Variants in PHACTR3 observed in about 807,000 individuals in gnomAD.
PHACTR3 encodes protein phosphatase 1, regulatory subunit 123.
A neutral mutation model predicts 66.8 loss-of-function variants in PHACTR3; 16 were observed. The observed-to-expected ratio is 0.24, with a 90% CI of 0.16 to 0.36. The LOEUF (loss-of-function observed/expected upper bound fraction) is 0.36. PHACTR3 is among the 10% of genes least tolerant of loss of function. The pLI is 1.00. For synonymous variants in PHACTR3, 323 were observed against 292.1 expected (o/e 1.11, Z -1.08); for missense variants, 647 against 719.9 (o/e 0.90, Z 1.16).
intron 1 of PHACTR3, among the ~76,000 whole-genome samples, chr20:59,585,513 G>C (rs2032998217): frequency 6.6e-6 from 1 of 152,134 alleles, no homozygotes; most frequent in South Asian, 2.1e-4. Flanking sequence ...AACTGGGGGT[G>C]GTCCTGGGGA....
chr20:59,723,110 C>CTTTCTT, intron 1 of PHACTR3, among the ~76,000 whole-genome samples: 1 of 123,844 alleles, frequency 8.1e-6, no homozygotes, highest in Non-Finnish European at 1.7e-5. Context: ...TTCTTTCTTT[C>CTTTCTT]TTTCTTTCTT....
chr20:59,635,394 C>T (rs1288607996), intron 1 of PHACTR3, among the ~76,000 whole-genome samples: 3 of 151,138 alleles, frequency 2.0e-5, no homozygotes, highest in African/African-American at 4.9e-5. Context: ...CCACCACACT[C>T]GGCTAATTTT....
chr20:59,604,070 C>A (rs1271406263), upstream of PHACTR3: 1 of 153,464 alleles, frequency 6.5e-6, no homozygotes, highest in African/African-American at 2.4e-5. Flanking sequence ...CCCCCCGCCC[C>A]CCGGCAGGGA....
rs140524195 is a variant in PHACTR3, at chr20:59,723,060, CTCTTTCTTTCTTTCTTTCTTTCTT to C, written c.119-20010_119-19987del. On this transcript the variant is annotated intron_variant, in intron 1 of 12. Transcript: ENST00000371015. Reference sequence around the variant, plus strand: ...TATTTCTCTTTTTCTTTCTTTCTTTCTCTTTCTTTCTTTCTTTCTTTCTTTCTTTCTTTCTTTCTTTCTTTCTTT... The same window carrying C: ...TATTTCTCTTTTTCTTTCTTTCTTTCTCTTTCTTTCTTTCTTTCTTTCTTT... 2.9e-3 allele frequency among the ~76,000 whole-genome samples: 342 copies of C among 118,768 alleles called. 1 individual carries two copies. The highest frequency in any genetic ancestry group is 0.01 in the African/African-American group (313 of 30,568). The allele number at this position is 118,768 out of a possible 152,430, so 77.9% of individuals were successfully genotyped here. A position where few individuals can be genotyped will look rare whatever the true frequency, so the allele number is the denominator to read the frequency against.
chr20:59,674,868 T>G (rs1308070942), intron 1 of PHACTR3, among the ~76,000 whole-genome samples: 1 of 95,918 alleles, frequency 1.0e-5, no homozygotes, highest in Non-Finnish European at 2.0e-5. Context: ...TTGCCCCTTC[T>G]CCTGTCCCCC....
At chr20:59,713,070 C>T (rs189006358) in intron 1 of PHACTR3, among the ~76,000 whole-genome samples, 1 of 152,354 alleles carries the variant, frequency 6.6e-6, no homozygotes, top group East Asian at 1.9e-4. Context: ...CCTCATTTCT[C>T]ACAACACGGT....
intron 1 of PHACTR3, among the ~76,000 whole-genome samples, chr20:59,711,106 A>C (rs771518046): frequency 2.0e-5 from 3 of 152,138 alleles, no homozygotes; most frequent in Non-Finnish European, 4.4e-5. Context: ...TACATATCCC[A>C]ATTTTAAATA....
chr20:59,706,590 G>A (rs1438611249), intron 1 of PHACTR3, among the ~76,000 whole-genome samples: 1 of 152,238 alleles, frequency 6.6e-6, no homozygotes, highest in Non-Finnish European at 1.5e-5. Context: ...GATCACATTA[G>A]TGTTCATGGT....
At chr20:59,665,941 C>T (rs749924532) in intron 1 of PHACTR3, among the ~76,000 whole-genome samples, 3 of 152,082 alleles carry the variant, frequency 2.0e-5, no homozygotes, top group Non-Finnish European at 2.9e-5. Context: ...ATTGGGCAAC[C>T]CAGGAGATGG....
intron 1 of PHACTR3, among the ~76,000 whole-genome samples, chr20:59,734,235 G>A (rs528253441): frequency 6.6e-6 from 1 of 152,266 alleles, no homozygotes; most frequent in African/African-American, 2.4e-5. Context: ...CAATGCAGTT[G>A]GGTTTTCATT....
At chr20:59,846,854 ACT>A (rs2059160070) in intron 12 of PHACTR3, among the ~76,000 whole-genome samples, 1 of 152,152 alleles carries the variant, frequency 6.6e-6, no homozygotes, top group African/African-American at 2.4e-5. Context: ...CTTTCTGTGT[ACT>A]TCAAGGGCTT....
At chr20:59,589,911 C>T (rs2033140382) in intron 1 of PHACTR3, among the ~76,000 whole-genome samples, 1 of 152,218 alleles carries the variant, frequency 6.6e-6, no homozygotes, top group South Asian at 2.1e-4. Context: ...ATCTCCGCCT[C>T]CTGGCAAAAA....
intron 1 of PHACTR3, among the ~76,000 whole-genome samples, chr20:59,648,394 C>A (rs964728897): frequency 6.6e-6 from 1 of 152,148 alleles, no homozygotes; most frequent in East Asian, 1.9e-4. Flanking sequence ...AATCACATGG[C>A]CTGATTGGGC....
intron 1 of PHACTR3, among the ~76,000 whole-genome samples, chr20:59,680,769 C>T (rs1054094804): frequency 1.3e-5 from 2 of 152,104 alleles, no homozygotes; most frequent in African/African-American, 4.8e-5. Flanking sequence ...AAAGATTGGA[C>T]ACCCCTGATA....
At chr20:59,587,739 G>C (rs1183409364) in intron 1 of PHACTR3, among the ~76,000 whole-genome samples, 6 of 152,144 alleles carry the variant, frequency 3.9e-5, no homozygotes, top group Admixed American at 3.9e-4. Flanking sequence ...GTCAGCTGGA[G>C]CTGGGGCTGG....
At chr20:59,638,657 T>C (rs2034983750) in intron 1 of PHACTR3, among the ~76,000 whole-genome samples, 1 of 132,240 alleles carries the variant, frequency 7.6e-6, no homozygotes, top group African/African-American at 3.0e-5. Flanking sequence ...GTGAATGGAT[T>C]GACGGATGAT....
chr20:59,702,079 A>T (rs1464926647), intron 1 of PHACTR3, among the ~76,000 whole-genome samples: 2 of 152,122 alleles, frequency 1.3e-5, no homozygotes, highest in African/African-American at 4.8e-5. Flanking sequence ...CATTGTCGGG[A>T]TGTACCCCAA....
At chr20:59,747,056 C>T (rs571250930) in intron 2 of PHACTR3, among the ~76,000 whole-genome samples, 3 of 152,128 alleles carry the variant, frequency 2.0e-5, no homozygotes, top group Non-Finnish European at 2.9e-5. Flanking sequence ...TGGAGCAGCC[C>T]GAGGCCTGCC....
intron 1 of PHACTR3, among the ~76,000 whole-genome samples, chr20:59,728,779 A>G (rs1020551904): frequency 6.6e-6 from 1 of 151,322 alleles, no homozygotes; most frequent in East Asian, 1.9e-4. Flanking sequence ...GGTGCCTGCT[A>G]TAGACAAGGT....
Sources: allele counts gnomAD v4.1 joint callset (sites outside exome capture counted in the v4.1 genomes callset), GRCh38; gene constraint gnomAD v4.1.1; transcripts MANE v1.5; gene names NCBI Gene and HGNC (gene_info 2026-07-23, HGNC 2026-07-21).